Variants in STXBP2 observed in about 807,000 individuals in gnomAD.
The protein encoded by STXBP2 is syntaxin binding protein 2, also known as syntaxin-binding protein 2.
STXBP2 carries 47 observed loss-of-function variants against 72.2 expected under a neutral mutation model. The observed-to-expected ratio is 0.65, with a 90% CI of 0.51 to 0.83. The LOEUF is 0.83. STXBP2 is among the 40% of genes least tolerant of loss of function. The pLI, the probability that STXBP2 is intolerant of heterozygous loss-of-function variation, is 0.00. For synonymous variants in STXBP2, 367 were observed against 338.7 expected (o/e 1.08, Z -0.92); for missense variants, 702 against 807.6 (o/e 0.87, Z 1.58).
At chr19:7,629,909 G>T in the STXBP2 span, 1 of 1,486,590 alleles carries the variant, frequency 6.7e-7, no homozygotes, top group Admixed American at 2.4e-5. Context: ...GGATCTTCCT[G>T]GATCTGAAGA....
chr19:7,643,230 G>C lies in STXBP2; in HGVS notation c.1092G>C (p.Leu364=), dbSNP rs1188428794. The change falls in exon 13 of 19, where the codon CTG becomes CTC. Residue 364 remains leucine (L), a synonymous_variant. Transcript: ENST00000221283. The part of the protein sequence containing the change: ...MKHFKGSVEK[L]CSVEQDLAMG... The stretch of plus-strand genomic sequence containing the variant: ...ACTTCAAGGGCTCGGTGGAGAAGCT[G>C]TGTAGTGTGGAGCAGGTGGGGCAGG... 6.2e-7 allele frequency: 1 copy of C among 1,613,830 alleles called. No homozygotes were observed. Among genetic ancestry groups the C allele is most frequent in the Non-Finnish European group, 8.5e-7 (1 of 1,180,012 alleles).
upstream of STXBP2, chr19:7,633,502 C>G: frequency 3.9e-6 from 6 of 1,550,648 alleles, no homozygotes; most frequent in Non-Finnish European, 5.2e-6. Context: ...TGCCCCGGCC[C>G]AGTGCCAGAG....
the STXBP2 span, chr19:7,629,974 C>G: frequency 7.8e-7 from 1 of 1,280,376 alleles, no homozygotes; most frequent in Non-Finnish European, 1.0e-6. Context: ...GGAGAAAGCT[C>G]TTAAGATTTG....
Position 7,647,727 on chromosome 19 carries a change from T to A in STXBP2, c.1699T>A (p.Ser567Thr). ...TEGKWEVLIG[S>T]SHILTPTRFL... ...CCCAAACCTCTGCCCCTGCACAGGC[T>A]CCTCACACATCCTCACCCCGACCCG... The change falls in exon 19 of 19, where the codon TCC becomes ACC. Residue 567 changes from serine to threonine, a missense_variant and splice_region_variant. Coordinates refer to ENST00000221283, the MANE Select transcript of STXBP2 (RefSeq NM_006949.4). The A allele has an allele frequency of 6.2e-7, 1 of 1,613,722 alleles. No homozygotes were observed.
At chr19:7,632,650 G>T, upstream of STXBP2, 1 of 1,560,264 alleles carries the variant, frequency 6.4e-7, no homozygotes, top group South Asian at 1.1e-5. The surrounding 1 kb of genome is among the most constrained non-coding windows in gnomAD (Gnocchi z 5.2). Flanking sequence ...CCCTCCAGAT[G>T]ACCACTTGCC....
chr19:7,645,844 TTC>T, intron 15 of STXBP2: 1 of 336,312 alleles, frequency 3.0e-6, no homozygotes, highest in African/African-American at 2.1e-5. Flanking sequence ...TCTCTCACCC[TTC>T]TCTCTGCCTT....
At position 7,642,498 on chromosome 19, in the gene STXBP2, G is replaced by A. The variant is rs2031932785; in HGVS notation, c.864G>A (p.Trp288Ter). ...AVLLDEDDDL[W>*]VELRHMHIAD... ...TGCTGGACGAGGACGATGACTTGTG[G>A]GTGGAGCTTCGCCACATGCATATCG... The change falls in exon 10 of 19, where the codon TGG becomes TGA. Residue 288 changes from tryptophan to a stop codon, truncating the protein, a stop_gained. Coordinates refer to ENST00000221283, the MANE Select transcript of STXBP2 (RefSeq NM_006949.4). LOFTEE classifies it high-confidence loss of function. The surrounding 1 kb of genome is among the most constrained non-coding windows in gnomAD (Gnocchi z 6.0). 1.9e-6 allele frequency: 3 copies of A among 1,614,062 alleles called. No individual in the cohort carries two copies. The highest frequency in any genetic ancestry group is 2.5e-6 in the Non-Finnish European group (3 of 1,180,022).
At position 7,641,860 on chromosome 19, in the gene STXBP2, A is replaced by ACCCCCCCCCCCCCCCCCCC; in HGVS notation, c.578+11_578+12insCCCCCCCCCCCCCCCCCCC. On this transcript the variant is annotated splice_region_variant and intron_variant, in intron 7 of 18. Coordinates refer to ENST00000221283, the MANE Select transcript of STXBP2 (RefSeq NM_006949.4). ...CGGCCATCCGCTACCGCAAGTGGGG[A>ACCCCCCCCCCCCCCCCCCC]CCCCACCCAGCCCCACCCCGATGCC... 1.3e-6 allele frequency: 2 copies of ACCCCCCCCCCCCCCCCCCC among 1,549,040 alleles called. No homozygotes were observed. The highest frequency in any genetic ancestry group is 1.7e-6 in the Non-Finnish European group (2 of 1,146,684).
At chr19:7,633,166 C>T (rs2031402642), upstream of STXBP2, among the ~76,000 whole-genome samples, 2 of 152,170 alleles carry the variant, frequency 1.3e-5, no homozygotes, top group Non-Finnish European at 2.9e-5. Flanking sequence ...AAACATGGCC[C>T]AGGAGCTACC....
upstream of STXBP2, chr19:7,633,677 G>A: frequency 1.7e-6 from 1 of 586,830 alleles, no homozygotes; most frequent in South Asian, 2.1e-5. Context: ...TAGGGGGCAG[G>A]GCGACCTGAG....
Position 7,642,755 on chromosome 19 carries a change from C to T in STXBP2, c.903-11C>T. ...CCCCTCACTCTCACCCCCGCCCACC[C>T]TCATGGCCAGGAAGGTCACGGAGCT... is the stretch of plus-strand genomic sequence containing the variant. On this transcript the variant is annotated splice_polypyrimidine_tract_variant and intron_variant, in intron 10 of 18. Coordinates refer to ENST00000221283, the MANE Select transcript of STXBP2 (RefSeq NM_006949.4). This position sits in a 1 kb window ranked among gnomAD's most constrained non-coding sequence, Gnocchi z 6.0. The T allele has an allele frequency of 1.9e-6, 3 of 1,613,818 alleles. No individual in the cohort carries two copies. Among genetic ancestry groups the T allele is most frequent in the Non-Finnish European group, 1.7e-6 (2 of 1,179,956 alleles).
chr19:7,632,767 C>G (rs755177830), upstream of STXBP2: 21 of 1,568,582 alleles, frequency 1.3e-5, no homozygotes, highest in Non-Finnish European at 1.8e-5. The surrounding 1 kb of genome is among the most constrained non-coding windows in gnomAD (Gnocchi z 5.2). Flanking sequence ...CGCTGTCCCT[C>G]CATCCGGTCG....
At chr19:7,643,138 C>T (rs1456446943) in intron 12 of STXBP2, 27 bp from the exon 13 acceptor site, 4 of 1,614,036 alleles carry the variant, frequency 2.5e-6, no homozygotes, top group Non-Finnish European at 2.5e-6. Flanking sequence ...CTTTGTTATC[C>T]CCCAACCCCC....
At chr19:7,644,797 G>A (rs373680106) in intron 14 of STXBP2, 45 bp downstream of exon 14, 150 of 1,612,470 alleles carry the variant, frequency 9.3e-5, no homozygotes, top group Non-Finnish European at 1.2e-4. Context: ...ATTTGCCAGC[G>A]TCTCCCACGA....
chr19:7,631,257 G>T, the STXBP2 span: 2 of 1,403,708 alleles, frequency 1.4e-6, no homozygotes, highest in Non-Finnish European at 9.3e-7. Flanking sequence ...CGAGAGCAGA[G>T]GAGTAGATGG....
At position 7,647,468 on chromosome 19, in the gene STXBP2, C is replaced by T. The variant is rs767500700; in HGVS notation, c.1653C>T (p.Tyr551=). Residue 551 remains tyrosine (Y), a synonymous_variant, in exon 18 of 19, where the codon TAC becomes TAT. Coordinates refer to ENST00000221283, the MANE Select transcript of STXBP2 (RefSeq NM_006949.4). The stretch of plus-strand genomic sequence containing the variant: ...CCATGTCAGAGATGAGGGCCGCCTA[C>T]GAGGTGACCAGGGCCACCGAGGGCA... ...GVAMSEMRAA[Y]EVTRATEGKW... 19 of 1,611,282 alleles carry T rather than the reference C, an allele frequency of 1.2e-5. No individual in the cohort carries two copies. The East Asian group carries it at 1.3e-4, about 11-fold the overall frequency.
At chr19:7,641,954 C>G in intron 7 of STXBP2, 80 bp from the exon 8 acceptor site, 1 of 1,607,386 alleles carries the variant, frequency 6.2e-7, no homozygotes, top group Non-Finnish European at 8.5e-7. Context: ...CGGCCCTACC[C>G]TGGCCCCTGA....
chr19:7,634,680 T>C (rs548323613), upstream of STXBP2, among the ~76,000 whole-genome samples: 1 of 152,380 alleles, frequency 6.6e-6, no homozygotes, highest in African/African-American at 2.4e-5. Context: ...TTTAAAATTT[T>C]TTTTTAACAA....
chr19:7,645,466 C>G (rs1394780709), intron 15 of STXBP2, 160 bp downstream of exon 15: 2 of 652,730 alleles, frequency 3.1e-6, no homozygotes, highest in African/African-American at 1.8e-5. Context: ...GGTCTGGGGC[C>G]CAGAGGACAC....
Sources: allele counts gnomAD v4.1 joint callset (sites outside exome capture counted in the v4.1 genomes callset), GRCh38; gene constraint gnomAD v4.1.1; non-coding constraint Gnocchi (gnomAD v3.1); transcripts MANE v1.5; gene names NCBI Gene and HGNC (gene_info 2026-07-23, HGNC 2026-07-21).